Variants in FAT1 observed in about 807,000 individuals in gnomAD.
FAT1 encodes FAT atypical cadherin 1.
In FAT1, 171 loss-of-function variants were observed where a neutral mutation model predicts 329.8. The ratio of observed to expected loss-of-function variants is 0.52; its 90% confidence interval spans 0.46 to 0.59. The LOEUF is 0.59. FAT1 is among the 20% of genes least tolerant of loss of function. The pLI, the probability that FAT1 is intolerant of heterozygous loss-of-function variation, is 0.00. For missense variants in FAT1, 5,672 were observed against 5,774.4 expected, an observed-to-expected ratio of 0.98 and a Z score of 0.57; for synonymous variants, 2,233 against 2,228.6, an observed-to-expected ratio of 1.00 and a Z score of -0.06.
rs368802187 is a variant in FAT1 at position 186,708,212 on chromosome 4, C to T, written c.1616G>A (p.Arg539His). The T allele has an allele frequency of 6.0e-5, 97 of 1,613,868 alleles. No homozygotes were observed. Among genetic ancestry groups the T allele is most frequent in the South Asian group, 5.5e-4 (50 of 91,090 alleles). ...LMPRVYTLRIRASDWGLPYRR... is the reference protein window; with the variant it reads ...LMPRVYTLRIHASDWGLPYRR... ...GTACGGCAAGCCCCAGTCTGATGCA[C>T]GAATCCTCAGAGTATAAACCCGAGG... The change falls in exon 2 of 27, where the codon CGT becomes CAT. Residue 539 changes from arginine (R) to histidine (H), a missense_variant. Transcript: ENST00000441802.
rs150040878 is a variant in FAT1 at position 186,700,159 on chromosome 4, G to A, written c.3265+6404C>T. Reference sequence around the variant, plus strand: ...TGGCCTCATGTAACTCGATGCAGAGGGAGGTACAAATCACGTTAGCTTTGG... The same window carrying A: ...TGGCCTCATGTAACTCGATGCAGAGAGAGGTACAAATCACGTTAGCTTTGG... On this transcript the variant is annotated intron_variant, in intron 2 of 26. Transcript: ENST00000441802. Among the ~76,000 whole-genome samples, 41 of 152,292 alleles carry A rather than the reference G, an allele frequency of 2.7e-4. 1 individual carries two copies. In the East Asian group the frequency reaches 6.8e-3, roughly 25 times the overall value.
intron 3 of FAT1, among the ~76,000 whole-genome samples, chr4:186,659,100 A>C (rs1742047488): frequency 6.6e-6 from 1 of 152,080 alleles, no homozygotes; most frequent in Non-Finnish European, 1.5e-5. Context: ...ACATTTAGCT[A>C]TGTTTGGATA....
chr4:186,613,099 C>A lies in FAT1; in HGVS notation c.9463+10G>T. ...GAGCAGCGTCAGGCAAGAGCATTCCCGGGAGATACCTGCGTCGGCATCTGT... is the reference window on the plus strand; with the variant it reads ...GAGCAGCGTCAGGCAAGAGCATTCCAGGGAGATACCTGCGTCGGCATCTGT... On this transcript the variant is annotated intron_variant, in intron 13 of 26. Transcript: ENST00000441802. The A allele has an allele frequency of 6.3e-7, 1 of 1,593,718 alleles. No individual in the cohort carries two copies. The highest frequency in any genetic ancestry group is 8.6e-7 in the Non-Finnish European group (1 of 1,169,172).
intron 2 of FAT1, among the ~76,000 whole-genome samples, chr4:186,667,318 T>C (rs1395935946): frequency 3.3e-5 from 5 of 152,172 alleles, no homozygotes; most frequent in African/African-American, 1.2e-4. Flanking sequence ...CAGGAGGGGA[T>C]TGTCGGCCTC....
At chr4:186,650,185 G>A (rs1741569837) in intron 3 of FAT1, among the ~76,000 whole-genome samples, 1 of 152,150 alleles carries the variant, frequency 6.6e-6, no homozygotes. Context: ...AGGATGCCTC[G>A]GCTCTGGAAT....
intron 2 of FAT1, among the ~76,000 whole-genome samples, chr4:186,674,265 A>G (rs1321912850): frequency 6.6e-6 from 1 of 152,224 alleles, no homozygotes; most frequent in African/African-American, 2.4e-5. Flanking sequence ...GTAATAAAGT[A>G]ACCAATGAAT....
In FAT1 at chr4:186,620,997, C is replaced by T. The variant is rs375007936; in HGVS notation, c.5589G>A (p.Ala1863=). 34 of 1,612,728 alleles carry T rather than the reference C, an allele frequency of 2.1e-5. No individual in the cohort carries two copies. The highest frequency in any genetic ancestry group is 8.3e-5 in the Admixed American group (5 of 60,002). The stretch of plus-strand genomic sequence containing the variant: ...TGTCAATTACATGTACTGTTACATT[C>T]GCTGCATACTCAGCAAATAAACGTG... ...GTPRLFAEYA[A]NVTVHVIDIN... is the part of the protein sequence containing the mutation. Residue 1863 remains alanine, a synonymous_variant, in exon 10 of 27, where the codon GCG becomes GCA. Transcript: ENST00000441802.
chr4:186,600,022 G>C lies in FAT1; in HGVS notation c.11979C>G (p.Pro3993=). 1 of 1,613,990 alleles carries C rather than the reference G, an allele frequency of 6.2e-7. No homozygotes were observed. Among genetic ancestry groups the C allele is most frequent in the East Asian group, 2.2e-5 (1 of 44,880 alleles). The change falls in exon 22 of 27, where the codon CCC becomes CCG. Residue 3993 remains proline (P), a synonymous_variant. Transcript: ENST00000441802. ...NGQELPLNSK[P]RSYAHIEESV... is the part of the protein sequence containing the mutation. ...ACTCTTCGATGTGTGCATAGCTTCT[G>C]GGTTTGCTGTTTAAAGGGAGCTCCT...
intron 2 of FAT1, among the ~76,000 whole-genome samples, chr4:186,705,768 C>T (rs1246745660): frequency 6.6e-6 from 1 of 152,232 alleles, no homozygotes; most frequent in Non-Finnish European, 1.5e-5. Flanking sequence ...GCTTGGACTG[C>T]TGCCTTGGAG....
At chr4:186,724,533 G>A (rs1579518701), upstream of FAT1, among the ~76,000 whole-genome samples, 1 of 152,206 alleles carries the variant, frequency 6.6e-6, no homozygotes, top group South Asian at 2.1e-4. The surrounding 1 kb of genome is among the most constrained non-coding windows in gnomAD (Gnocchi z 5.3). Context: ...GCGTCCCGCG[G>A]GCTTCCTAGC....
Position 186,596,838 on chromosome 4 carries a change from A to G in FAT1, c.12702T>C (p.Asp4234=), listed in dbSNP as rs1488131277. Residue 4234 remains aspartate, a synonymous_variant, in exon 25 of 27, where the codon GAT becomes GAC. Coordinates refer to ENST00000441802, the MANE Select transcript of FAT1 (RefSeq NM_005245.4). The surrounding 1 kb of genome is among the most constrained non-coding windows in gnomAD (Gnocchi z 4.7). ...ATAFLQRPYF[D]SKLNKNIYSD... ...AGTAAATGTTCTTATTTAGCTTGGA[A>G]TCAAAATACGGTCTTTGCAAGAAAG... 17 of 1,613,916 alleles carry G rather than the reference A, an allele frequency of 1.1e-5. No homozygotes were observed. Among genetic ancestry groups the G allele is most frequent in the Non-Finnish European group, 1.4e-5 (16 of 1,179,908 alleles).
At chr4:186,695,802 C>CACACAT (rs955424062) in intron 2 of FAT1, among the ~76,000 whole-genome samples, 4 of 146,808 alleles carry the variant, frequency 2.7e-5, no homozygotes, top group African/African-American at 5.1e-5. Context: ...CACACACACA[C>CACACAT]ATTTTTGAGA....
intron 3 of FAT1, among the ~76,000 whole-genome samples, chr4:186,650,410 CA>C: frequency 6.6e-6 from 1 of 152,260 alleles, no homozygotes; most frequent in South Asian, 2.1e-4. Flanking sequence ...CTGTAACACA[CA>C]AAAGTTCCAA....
intron 2 of FAT1, among the ~76,000 whole-genome samples, chr4:186,671,702 AAAAAATAAAAAT>A (rs200587249): frequency 0.012 from 1,893 of 152,246 alleles, 31 homozygotes; most frequent in Middle Eastern, 0.041. Context: ...CCGTCTCAAA[AAAAAATAAAAAT>A]AAAAATAAAA....
In FAT1 at chr4:186,601,407, C is replaced by A; in HGVS notation, c.11502G>T (p.Leu3834=). The change falls in exon 21 of 27, where the codon CTG becomes CTT. Residue 3834 remains leucine, a synonymous_variant. Transcript: ENST00000441802. ...GQCPGSSSMT[L]TGNSYVKYRL... is the part of the protein sequence containing the mutation. ...GGTATTTCACGTAGCTGTTTCCAGTCAGTGTCATAGATGAACTCCCTGTGA... is the reference window on the plus strand; with the variant it reads ...GGTATTTCACGTAGCTGTTTCCAGTAAGTGTCATAGATGAACTCCCTGTGA... The A allele has an allele frequency of 6.2e-7, 1 of 1,612,822 alleles. No individual in the cohort carries two copies. The highest frequency in any genetic ancestry group is 8.5e-7 in the Non-Finnish European group (1 of 1,178,978).
chr4:186,601,079 C>T (rs1738789920), intron 21 of FAT1, among the ~76,000 whole-genome samples, 190 bp downstream of exon 21: 1 of 152,190 alleles, frequency 6.6e-6, no homozygotes, highest in African/African-American at 2.4e-5. Context: ...AAATCTCTGT[C>T]ATGGCAGGGC....
chr4:186,659,646 C>T lies in FAT1; in HGVS notation c.3580+3653G>A, dbSNP rs79160670. On this transcript the variant is annotated intron_variant, in intron 3 of 26. Transcript: ENST00000441802. ...CACTTGTCCCCTGAACAACCCTGGG[C>T]GCTCCTGCACTCTACACACACAAGC... 0.015 allele frequency among the ~76,000 whole-genome samples: 2,004 copies of T among 131,880 alleles called. 76 individuals carry two copies. The East Asian group carries it at 0.16, about 10-fold the overall frequency. 86.5% of individuals were successfully genotyped at this position (131,880 alleles called of 152,430 possible).
chr4:186,603,979 T>C lies in FAT1; in HGVS notation c.10549-2A>G, dbSNP rs1312339316. The C allele has an allele frequency of 1.2e-6, 2 of 1,601,902 alleles. No individual in the cohort carries two copies. The highest frequency in any genetic ancestry group is 1.7e-6 in the Non-Finnish European group (2 of 1,170,726). ...CTGAGGCTTTCCATTATCTGCCACC[T>C]ACAAGAAAAGAAAAATAAAATCACC... On this transcript the variant is annotated splice_acceptor_variant, in intron 18 of 26. Coordinates refer to ENST00000441802, the MANE Select transcript of FAT1 (RefSeq NM_005245.4). LOFTEE classifies it high-confidence loss of function.
intron 24 of FAT1, 172 bp from the exon 25 acceptor site, chr4:186,597,343 C>A: frequency 1.5e-6 from 1 of 680,934 alleles, no homozygotes; most frequent in Non-Finnish European, 2.4e-6. Context: ...AAAAGACCTT[C>A]TGTGGAGAAA....
Sources: allele counts gnomAD v4.1 joint callset (sites outside exome capture counted in the v4.1 genomes callset), GRCh38; gene constraint gnomAD v4.1.1; non-coding constraint Gnocchi (gnomAD v3.1); transcripts MANE v1.5; gene names NCBI Gene and HGNC (gene_info 2026-07-23, HGNC 2026-07-21).